The following CNTNAP2 variants were observed in gnomAD, a reference collection of about 807,000 sequenced individuals.
The protein encoded by CNTNAP2 is contactin-associated protein-like 2.
A neutral mutation model predicts 155.2 loss-of-function variants in CNTNAP2; 98 were observed. That is an observed-to-expected ratio of 0.63 (90% CI 0.54 to 0.75). The LOEUF is 0.75. CNTNAP2 is among the 30% of genes least tolerant of loss of function. The pLI, the probability that CNTNAP2 is intolerant of heterozygous loss-of-function variation, is 0.00. For missense variants in CNTNAP2, 1,727 were observed against 1,688.1 expected (o/e 1.02, Z -0.40); for synonymous variants, 651 against 631.2 (o/e 1.03, Z -0.47).
intron 3 of CNTNAP2, among the ~76,000 whole-genome samples, chr7:146,882,822 T>C (rs932554436): frequency 6.6e-6 from 1 of 152,034 alleles, no homozygotes; most frequent in Non-Finnish European, 1.5e-5. Context: ...CCTTTTACAA[T>C]AGCTACAAAA....
chr7:146,248,909 G>C (rs1357816877), intron 1 of CNTNAP2, among the ~76,000 whole-genome samples: 1 of 152,160 alleles, frequency 6.6e-6, no homozygotes, highest in East Asian at 1.9e-4. Context: ...AGTCCGAAAA[G>C]AGAGTCAGTG....
At chr7:146,823,533 A>G (rs1474767830) in intron 2 of CNTNAP2, among the ~76,000 whole-genome samples, 13 of 143,468 alleles carry the variant, frequency 9.1e-5, no homozygotes, top group African/African-American at 3.6e-4. Flanking sequence ...GTATATTTAC[A>G]TGGAAATATA....
intron 1 of CNTNAP2, among the ~76,000 whole-genome samples, chr7:146,369,526 T>G (rs1795203498): frequency 6.6e-6 from 1 of 152,164 alleles, no homozygotes; most frequent in Non-Finnish European, 1.5e-5. Flanking sequence ...ATTTACGTTT[T>G]CAGTTAAAAT....
intron 1 of CNTNAP2, among the ~76,000 whole-genome samples, chr7:146,159,111 C>A (rs2116793925): frequency 6.6e-6 from 1 of 152,280 alleles, no homozygotes; most frequent in African/African-American, 2.4e-5. Flanking sequence ...AAAGAATTTT[C>A]AACCCAGAAT....
intron 15 of CNTNAP2, among the ~76,000 whole-genome samples, chr7:147,981,456 C>T (rs1458551834): frequency 6.6e-6 from 1 of 152,192 alleles, no homozygotes; most frequent in Admixed American, 6.5e-5. Flanking sequence ...TTACTGAAGT[C>T]TGTTCAAACC....
intron 8 of CNTNAP2, among the ~76,000 whole-genome samples, chr7:147,251,533 T>A (rs1055511636): frequency 1.3e-5 from 2 of 152,142 alleles, no homozygotes; most frequent in African/African-American, 4.8e-5. Context: ...CTCTGCCAAG[T>A]GAATGGGTAG....
At chr7:147,355,147 A>G (rs978602862) in intron 9 of CNTNAP2, among the ~76,000 whole-genome samples, 6 of 151,948 alleles carry the variant, frequency 3.9e-5, no homozygotes, top group African/African-American at 1.4e-4. Context: ...GTTTCGAGTA[A>G]AGTGGAACCC....
At chr7:147,078,329 T>G (rs1014685) in intron 4 of CNTNAP2, among the ~76,000 whole-genome samples, 4 of 152,186 alleles carry the variant, frequency 2.6e-5, no homozygotes, top group African/African-American at 4.8e-5. Flanking sequence ...GTAGAACAAA[T>G]TCAATACTTT....
intron 1 of CNTNAP2, among the ~76,000 whole-genome samples, chr7:146,634,497 C>T (rs188147913): frequency 6.6e-6 from 1 of 152,126 alleles, no homozygotes; most frequent in South Asian, 2.1e-4. Flanking sequence ...ATATTGATTG[C>T]TCCCACTTTA....
intron 13 of CNTNAP2, among the ~76,000 whole-genome samples, chr7:147,775,735 A>C (rs1257679232): frequency 6.6e-6 from 1 of 151,996 alleles, no homozygotes; most frequent in East Asian, 1.9e-4. Flanking sequence ...AATCACAGAG[A>C]TCTCAGTCCC....
intron 8 of CNTNAP2, among the ~76,000 whole-genome samples, chr7:147,281,998 C>T (rs1027472345): frequency 2.0e-5 from 3 of 151,862 alleles, no homozygotes; most frequent in Admixed American, 2.0e-4. Context: ...ACAGGACCTC[C>T]ATCTTCCAAA....
chr7:146,338,815 A>G (rs1434870268), intron 1 of CNTNAP2, among the ~76,000 whole-genome samples: 1 of 152,104 alleles, frequency 6.6e-6, no homozygotes, highest in African/African-American at 2.4e-5. Context: ...AGCCTGTTAC[A>G]AGTGTATTTT....
At chr7:146,898,123 T>C (rs889476681) in intron 3 of CNTNAP2, among the ~76,000 whole-genome samples, 4 of 151,922 alleles carry the variant, frequency 2.6e-5, no homozygotes, top group Non-Finnish European at 5.9e-5. Context: ...AATGGAAAAA[T>C]TGATATGCAA....
chr7:147,666,589 A>G (rs1350819668), intron 13 of CNTNAP2, among the ~76,000 whole-genome samples: 1 of 152,234 alleles, frequency 6.6e-6, no homozygotes, highest in Non-Finnish European at 1.5e-5. Context: ...GGTTTGCTGT[A>G]AAACCGTATT....
chr7:147,578,362 G>A (rs961158301), intron 12 of CNTNAP2, among the ~76,000 whole-genome samples: 3 of 152,058 alleles, frequency 2.0e-5, no homozygotes, highest in African/African-American at 4.8e-5. Flanking sequence ...GGCTTGTCAT[G>A]GCCACACTAA....
At chr7:146,323,686 A>G (rs1801044369) in intron 1 of CNTNAP2, among the ~76,000 whole-genome samples, 1 of 152,150 alleles carries the variant, frequency 6.6e-6, no homozygotes. Flanking sequence ...TTCTAGGAGA[A>G]ACTATAGGAC....
chr7:147,816,477 G>A (rs557851128), intron 13 of CNTNAP2, among the ~76,000 whole-genome samples: 6 of 152,238 alleles, frequency 3.9e-5, no homozygotes, highest in Non-Finnish European at 5.9e-5. Flanking sequence ...GAAATGTAGG[G>A]TAAAAAAGAG....
rs138118014 is a variant in CNTNAP2, at chr7:148,164,589, C to A, written c.2774-7653C>A. On this transcript the variant is annotated intron_variant, in intron 17 of 23. Transcript: ENST00000361727. ...AAGATAGCAACGACACCCATCCTAA[C>A]TCTGTGCTTTCTTTTCTCTCTCTTT... Among the ~76,000 whole-genome samples, 19 of 148,574 alleles carry A rather than the reference C, an allele frequency of 1.3e-4. 1 individual carries two copies. Among genetic ancestry groups the A allele is most frequent in the African/African-American group, 4.7e-4 (19 of 40,470 alleles).
intron 12 of CNTNAP2, among the ~76,000 whole-genome samples, chr7:147,635,983 A>G (rs1795174179): frequency 6.6e-6 from 1 of 152,198 alleles, no homozygotes; most frequent in African/African-American, 2.4e-5. Context: ...GATCAAAACC[A>G]ATCTAATTTA....
Sources: gnomAD v4.1 joint callset for allele counts (sites outside exome capture counted in the v4.1 genomes callset) on GRCh38, gnomAD v4.1.1 for gene constraint, MANE v1.5 for transcripts, NCBI Gene and HGNC (gene_info 2026-07-23, HGNC 2026-07-21) for gene names.